Variants in ARL15 observed in about 807,000 individuals in gnomAD.
ARL15 encodes the protein ADP-ribosylation factor-like protein 15.
A neutral mutation model predicts 25.2 loss-of-function variants in ARL15; 19 were observed. That is an observed-to-expected ratio of 0.75 (90% CI 0.53 to 1.10). ARL15 has a LOEUF of 1.10. ARL15 is among the 50% of genes least tolerant of loss of function. The probability of loss-of-function intolerance (pLI) is 0.00; values close to 1 mark genes in which losing one functional copy is unlikely to be tolerated. For synonymous variants in ARL15, 94 were observed against 86.8 expected (o/e 1.08, Z -0.46); for missense variants, 220 against 246.0 (o/e 0.89, Z 0.71).
At chr5:54,011,348 A>G (rs1410367526) in intron 4 of ARL15, among the ~76,000 whole-genome samples, 2 of 152,198 alleles carry the variant, frequency 1.3e-5, no homozygotes, top group East Asian at 3.9e-4. Flanking sequence ...AACTTTCTAT[A>G]TGACCCGTTT....
chr5:53,887,865 G>A (rs1171758150), intron 4 of ARL15, among the ~76,000 whole-genome samples: 1 of 152,130 alleles, frequency 6.6e-6, no homozygotes, highest in Admixed American at 6.5e-5. Context: ...CAGTACCAGT[G>A]CAGACTACTG....
In ARL15 at chr5:54,226,644, C is replaced by T. The variant is rs180863421; in HGVS notation, c.49-54716G>A. On this transcript the variant is annotated intron_variant, in intron 1 of 4. Coordinates refer to ENST00000504924, the MANE Select transcript of ARL15 (RefSeq NM_019087.3). ...ATCTTTCTTTAGAAATAATGCCTTG[C>T]TTTTAGTCTAAGTTATTAAAAAAAA... is the stretch of plus-strand genomic sequence containing the variant. Among the ~76,000 whole-genome samples the T allele has an allele frequency of 9.6e-4, 132 of 136,840 alleles. 1 individual carries two copies. The highest frequency in any genetic ancestry group is 1.8e-3 in the Non-Finnish European group (107 of 58,798). The allele number at this position is 136,840 out of a possible 152,430, so 89.8% of individuals were successfully genotyped here.
intron 4 of ARL15, among the ~76,000 whole-genome samples, chr5:53,935,009 T>C (rs1003365449): frequency 2.6e-5 from 4 of 152,176 alleles, no homozygotes. Context: ...AGGTGACATT[T>C]TTTAGAAATG....
At chr5:53,970,510 G>C (rs1367303921) in intron 4 of ARL15, among the ~76,000 whole-genome samples, 1 of 152,150 alleles carries the variant, frequency 6.6e-6, no homozygotes, top group Non-Finnish European at 1.5e-5. Context: ...GGGAGAGAGA[G>C]AGAGCGAGAG....
intron 1 of ARL15, among the ~76,000 whole-genome samples, chr5:54,182,482 G>A (rs1755089299): frequency 6.6e-6 from 1 of 151,392 alleles, no homozygotes; most frequent in African/African-American, 2.4e-5. Flanking sequence ...TATTTCTGAG[G>A]GCTTTGTTCT....
At chr5:53,899,535 T>G (rs904454400) in intron 4 of ARL15, among the ~76,000 whole-genome samples, 17 of 152,036 alleles carry the variant, frequency 1.1e-4, no homozygotes, top group African/African-American at 4.1e-4. Context: ...TAGTTTGCTC[T>G]TTTTTCTCCT....
chr5:53,895,371 A>G (rs1744839047), intron 4 of ARL15, among the ~76,000 whole-genome samples: 1 of 152,190 alleles, frequency 6.6e-6, no homozygotes, highest in Admixed American at 6.5e-5. Flanking sequence ...AAAGAAAGCC[A>G]TATTTTATTT....
At chr5:53,958,243 G>GT (rs1303671446) in intron 4 of ARL15, among the ~76,000 whole-genome samples, 4 of 151,676 alleles carry the variant, frequency 2.6e-5, no homozygotes, top group African/African-American at 4.8e-5. Flanking sequence ...TTAAACATAT[G>GT]TTAATGGGCA....
At chr5:54,280,355 C>G (rs1758024214) in intron 1 of ARL15, among the ~76,000 whole-genome samples, 1 of 152,212 alleles carries the variant, frequency 6.6e-6, no homozygotes, top group Non-Finnish European at 1.5e-5. Flanking sequence ...GTTTAGCTTT[C>G]AAGTAACCTG....
At chr5:53,985,901 T>G (rs938707503) in intron 4 of ARL15, among the ~76,000 whole-genome samples, 1 of 152,144 alleles carries the variant, frequency 6.6e-6, no homozygotes, top group Non-Finnish European at 1.5e-5. Context: ...CAGATTTGAC[T>G]TTCTCGTTTT....
At chr5:54,193,925 G>A (rs1755478057) in intron 1 of ARL15, among the ~76,000 whole-genome samples, 1 of 151,830 alleles carries the variant, frequency 6.6e-6, no homozygotes, top group Non-Finnish European at 1.5e-5. Flanking sequence ...TGAATAATTG[G>A]GGGCTAGGAT....
chr5:53,960,604 A>G (rs1191893700), intron 4 of ARL15, among the ~76,000 whole-genome samples: 1 of 152,216 alleles, frequency 6.6e-6, no homozygotes, highest in East Asian at 1.9e-4. Flanking sequence ...AGACGTCAAG[A>G]TGTTTTGTAA....
chr5:54,221,870 C>A lies in ARL15; in HGVS notation c.49-49942G>T, dbSNP rs940104685. ...ACACACACACACACACACACACACACAAAACCCTCATGCACATGTGTGCAT... is the reference window on the plus strand; with the variant it reads ...ACACACACACACACACACACACACAAAAAACCCTCATGCACATGTGTGCAT... On this transcript the variant is annotated intron_variant, in intron 1 of 4. Coordinates refer to ENST00000504924, the MANE Select transcript of ARL15 (RefSeq NM_019087.3). Among the ~76,000 whole-genome samples the A allele has an allele frequency of 7.2e-3, 1,005 of 140,468 alleles. 15 individuals carry two copies. Among genetic ancestry groups the A allele is most frequent in the African/African-American group, 0.024 (907 of 37,322 alleles). 92.2% of individuals were successfully genotyped at this position (140,468 alleles called of 152,430 possible).
chr5:53,916,479 C>T (rs931294857), intron 4 of ARL15, among the ~76,000 whole-genome samples: 18 of 151,728 alleles, frequency 1.2e-4, no homozygotes, highest in African/African-American at 3.9e-4. Flanking sequence ...GGGAAAACAA[C>T]CTGCACATGT....
chr5:54,084,646 G>A (rs1751907111), intron 4 of ARL15, among the ~76,000 whole-genome samples: 2 of 152,122 alleles, frequency 1.3e-5, no homozygotes, highest in Admixed American at 6.5e-5. Context: ...CCCCTCCAGA[G>A]CCAGATTTGT....
chr5:53,938,148 T>C (rs977631188), intron 4 of ARL15, among the ~76,000 whole-genome samples: 12 of 152,008 alleles, frequency 7.9e-5, no homozygotes, highest in South Asian at 4.2e-4. Context: ...ACATGCAAAA[T>C]GTTTTATTTT....
rs551399579 is a variant in ARL15, at chr5:54,073,045, G to A, written c.462+40157C>T. Among the ~76,000 whole-genome samples, 3 of 152,300 alleles carry A rather than the reference G, an allele frequency of 2.0e-5. No homozygotes were observed. In the East Asian group the frequency reaches 5.8e-4, roughly 29 times the overall value. On this transcript the variant is annotated intron_variant, in intron 4 of 4. Coordinates refer to ENST00000504924, the MANE Select transcript of ARL15 (RefSeq NM_019087.3). Reference sequence around the variant, plus strand: ...TTGGTTATGCATTACTTTTTGAGAAGTTGTTAAAACTTAAAATAAGTTATC... The same window carrying A: ...TTGGTTATGCATTACTTTTTGAGAAATTGTTAAAACTTAAAATAAGTTATC...
intron 4 of ARL15, among the ~76,000 whole-genome samples, chr5:54,058,007 T>C (rs1349813874): frequency 7.1e-6 from 1 of 141,692 alleles, no homozygotes; most frequent in Non-Finnish European, 1.5e-5. Flanking sequence ...TTTATTTATT[T>C]ATTTATTTAT....
At chr5:54,092,303 G>C (rs758300947) in intron 4 of ARL15, among the ~76,000 whole-genome samples, 5 of 152,046 alleles carry the variant, frequency 3.3e-5, no homozygotes, top group Non-Finnish European at 7.4e-5. Context: ...ATTCTAAAGA[G>C]TACATTTTAT....
Sources: gnomAD v4.1 joint callset for allele counts (sites outside exome capture counted in the v4.1 genomes callset) on GRCh38, gnomAD v4.1.1 for gene constraint, MANE v1.5 for transcripts, NCBI Gene and HGNC (gene_info 2026-07-23, HGNC 2026-07-21) for gene names.